SOD2: variants seen among roughly 807,000 people sequenced by gnomAD.
The protein encoded by SOD2 is superoxide dismutase [Mn], mitochondrial.
A neutral mutation model predicts 27.0 loss-of-function variants in SOD2; 11 were observed. The ratio of observed to expected loss-of-function variants is 0.41; its 90% CI spans 0.26 to 0.67. SOD2 has a LOEUF of 0.67. SOD2 is among the 30% of genes least tolerant of loss of function. SOD2 has a pLI of 0.34. For missense variants in SOD2, 250 were observed against 274.5 expected (o/e 0.91, Z 0.63); for synonymous variants, 105 against 103.0 (o/e 1.02, Z -0.12).
chr6:159,698,569 C>A (rs1370487543), intron 1 of SOD2, among the ~76,000 whole-genome samples: 1 of 30,680 alleles, frequency 3.3e-5, no homozygotes, highest in Non-Finnish European at 5.7e-5. Context: ...GAGACCTTGT[C>A]TCAAAAAAAA....
At chr6:159,754,727 CTG>C (rs1779941818) in intron 1 of SOD2, among the ~76,000 whole-genome samples, 2 of 152,052 alleles carry the variant, frequency 1.3e-5, no homozygotes, top group Non-Finnish European at 2.9e-5. Flanking sequence ...GAAAAAAAAT[CTG>C]TACATGTTCA....
chr6:159,691,651 A>T (rs575865248), intron 2 of SOD2: 2 of 152,214 alleles, frequency 1.3e-5, no homozygotes, highest in South Asian at 2.1e-4. Flanking sequence ...AAAACATAAC[A>T]TTCCCATACA....
intron 1 of SOD2, among the ~76,000 whole-genome samples, chr6:159,751,780 A>T (rs1779829470): frequency 6.6e-6 from 1 of 152,222 alleles, no homozygotes; most frequent in Non-Finnish European, 1.5e-5. Context: ...GAAAACATGC[A>T]GCCAGGCACG....
intron 1 of SOD2, chr6:159,755,749 G>GTT (rs1402868444): frequency 2.3e-4 from 75 of 321,654 alleles, no homozygotes; most frequent in African/African-American, 8.8e-4. Flanking sequence ...TTTTTTCTTT[G>GTT]TTTTTTTTTT....
intron 1 of SOD2, among the ~76,000 whole-genome samples, chr6:159,757,826 G>A (rs1296297379): frequency 1.3e-5 from 2 of 152,178 alleles, no homozygotes. Flanking sequence ...TTTGGCTTTT[G>A]TTATGTACAT....
At chr6:159,721,534 A>G (rs1002707645) in intron 1 of SOD2, among the ~76,000 whole-genome samples, 1 of 151,258 alleles carries the variant, frequency 6.6e-6, no homozygotes, top group African/African-American at 2.4e-5. Flanking sequence ...ATGCCCGGCT[A>G]ATTTTGTATT....
upstream of SOD2, chr6:159,748,429 T>A: frequency 6.3e-7 from 1 of 1,593,222 alleles, no homozygotes; most frequent in Non-Finnish European, 8.6e-7. This position sits in a 1 kb window ranked among gnomAD's most constrained non-coding sequence, Gnocchi z 5.6. Context: ...GAGAAAGCTG[T>A]GGTGGGACAG....
At chr6:159,705,286 G>T (rs201182824) in intron 1 of SOD2, among the ~76,000 whole-genome samples, 1 of 152,228 alleles carries the variant, frequency 6.6e-6, no homozygotes, top group Non-Finnish European at 1.5e-5. Context: ...ACTTTGACGA[G>T]TTGAGAGAAG....
chr6:159,706,714 CAGAA>C (rs1194348369), intron 1 of SOD2, among the ~76,000 whole-genome samples: 1 of 152,098 alleles, frequency 6.6e-6, no homozygotes, highest in Non-Finnish European at 1.5e-5. Context: ...ATCAACGAGA[CAGAA>C]AGTTAACAAG....
intron 1 of SOD2, among the ~76,000 whole-genome samples, chr6:159,721,675 CTTTTTT>C (rs55950207): frequency 2.4e-5 from 2 of 82,206 alleles, no homozygotes; most frequent in African/African-American, 1.0e-4. Context: ...TGCGGCTGAC[CTTTTTT>C]TTTTTTTTTT....
In SOD2 at chr6:159,692,869, G is replaced by A. The variant is rs1319560667; in HGVS notation, c.24-6C>T. The A allele has an allele frequency of 3.1e-6, 5 of 1,597,958 alleles. No homozygotes were observed. In the African/African-American group the frequency reaches 4.0e-5, roughly 13 times the overall value. On this transcript the variant is annotated splice_region_variant and splice_polypyrimidine_tract_variant and intron_variant, in intron 1 of 4. Transcript: ENST00000538183. The stretch of plus-strand genomic sequence containing the variant: ...GAGCCAGCTGCCTGCTGGTGCTGAA[G>A]ACGAGAAAGCACAGCCCGGTCAGTC...
intron 3 of SOD2, among the ~76,000 whole-genome samples, chr6:159,685,855 A>T (rs1297231116): frequency 6.6e-6 from 1 of 152,210 alleles, no homozygotes. Flanking sequence ...TTTTTAATGA[A>T]TCGTGTTAGA....
chr6:159,728,182 A>G (rs551266935), upstream of SOD2, among the ~76,000 whole-genome samples: 10 of 152,370 alleles, frequency 6.6e-5, no homozygotes, highest in African/African-American at 2.2e-4. Context: ...TTAAATGAGT[A>G]TAAGCATTCT....
intron 1 of SOD2, chr6:159,755,466 T>G (rs758466866): frequency 6.2e-7 from 1 of 1,613,982 alleles, no homozygotes; most frequent in Non-Finnish European, 8.5e-7. Flanking sequence ...GAAAACTCTC[T>G]CACACACCAA....
chr6:159,707,071 GA>G (rs565109693), intron 1 of SOD2, among the ~76,000 whole-genome samples: 2,568 of 152,132 alleles, frequency 0.017, 83 homozygotes, highest in African/African-American at 0.058. Flanking sequence ...TGAAACCAAC[GA>G]GAACAAAGAC....
chr6:159,729,323 G>T (rs1459724670), upstream of SOD2, among the ~76,000 whole-genome samples: 1 of 152,224 alleles, frequency 6.6e-6, no homozygotes, highest in African/African-American at 2.4e-5. Flanking sequence ...AATTTTTTTA[G>T]TTGTCTCCAA....
upstream of SOD2, chr6:159,727,451 C>T (rs1391125552): frequency 1.9e-6 from 2 of 1,042,824 alleles, no homozygotes; most frequent in African/African-American, 2.0e-5. Context: ...TGGGGCGGGG[C>T]AGGGCGGAGC....
exon 1 of SOD2, chr6:159,762,064 G>A (rs1260996059): frequency 1.2e-6 from 2 of 1,612,040 alleles, no homozygotes; most frequent in Non-Finnish European, 1.7e-6. Flanking sequence ...GCAGCGCAGG[G>A]CAGACGGCGG....
rs1394629142 is a variant in SOD2 at position 159,674,587 on chromosome 6, G to A, written c.*7906C>T. On this transcript the variant is annotated 3_prime_UTR_variant, in exon 5 of 5. Transcript: ENST00000538183. ...ACTCTCAATGAATTAGGTATTGATG[G>A]GACATATCTCAAAATAATAAGAGCT... 1.3e-5 allele frequency: 2 copies of A among 152,270 alleles called. No individual in the cohort carries two copies. The highest frequency in any genetic ancestry group is 4.8e-5 in the African/African-American group (2 of 41,544). 9.4% of individuals were successfully genotyped at this position (152,270 alleles called of 1,614,324 possible). A position where few individuals can be genotyped will look rare whatever the true frequency, so the allele number is the denominator to read the frequency against.
Sources: allele counts gnomAD v4.1 joint callset (sites outside exome capture counted in the v4.1 genomes callset), GRCh38; gene constraint gnomAD v4.1.1; non-coding constraint Gnocchi (gnomAD v3.1); transcripts MANE v1.5; gene names NCBI Gene and HGNC (gene_info 2026-07-23, HGNC 2026-07-21).